The following ADAMTS2 variants were observed in gnomAD, a reference collection of about 807,000 sequenced individuals.
The protein encoded by ADAMTS2 is ADAM metallopeptidase with thrombospondin type 1 motif 2.
ADAMTS2 carries 50 observed loss-of-function variants against 123.0 expected under a neutral mutation model. The ratio of observed to expected loss-of-function variants is 0.41; its 90% CI spans 0.32 to 0.51. The LOEUF is 0.51. Among genes scored for constraint, ADAMTS2 ranks in the 20% least tolerant of loss-of-function variants. The pLI is 0.35. For synonymous variants in ADAMTS2, 678 were observed against 695.4 expected, an observed-to-expected ratio of 0.98 and a Z score of 0.39; for missense variants, 1,494 against 1,705.2, an observed-to-expected ratio of 0.88 and a Z score of 2.18.
chr5:179,313,723 C>T (rs248182), intron 2 of ADAMTS2, among the ~76,000 whole-genome samples: 24 of 27,062 alleles, frequency 8.9e-4, no homozygotes, highest in African/African-American at 2.3e-3. Flanking sequence ...CACACTCACA[C>T]CGAGACAGAG....
At chr5:179,222,471 C>A (rs1765148746) in intron 3 of ADAMTS2, among the ~76,000 whole-genome samples, 1 of 152,194 alleles carries the variant, frequency 6.6e-6, no homozygotes, top group East Asian at 1.9e-4. Context: ...GGAGGGAGGG[C>A]CACCCTGCCT....
intron 3 of ADAMTS2, among the ~76,000 whole-genome samples, chr5:179,255,118 GGATA>G (rs559076386): frequency 3.3e-5 from 5 of 152,164 alleles, no homozygotes; most frequent in South Asian, 2.1e-4. Flanking sequence ...AATGATGGAT[GGATA>G]GATGGATGGA....
chr5:179,124,969 G>C lies in ADAMTS2; in HGVS notation c.2958+4C>G. 1 of 1,550,964 alleles carries C rather than the reference G, an allele frequency of 6.4e-7. No individual in the cohort carries two copies. The highest frequency in any genetic ancestry group is 8.7e-7 in the Non-Finnish European group (1 of 1,155,472). ...TGAGGACACGGGATCGGGGGATTGC[G>C]TACCTGGGACCAGGGCCCGGCTCGC... On this transcript the variant is annotated splice_donor_region_variant and intron_variant, in intron 19 of 21. Transcript: ENST00000251582.
At chr5:179,169,594 G>C (rs1458551923) in intron 5 of ADAMTS2, among the ~76,000 whole-genome samples, 2 of 152,154 alleles carry the variant, frequency 1.3e-5, no homozygotes, top group Admixed American at 1.3e-4. Context: ...GCTGTCCCTG[G>C]GGTGAGGCAT....
chr5:179,327,465 C>G (rs1208733141), intron 2 of ADAMTS2, among the ~76,000 whole-genome samples: 1 of 152,184 alleles, frequency 6.6e-6, no homozygotes, highest in Non-Finnish European at 1.5e-5. Flanking sequence ...CCTGTGCATG[C>G]CCGGTGCACT....
intron 2 of ADAMTS2, among the ~76,000 whole-genome samples, chr5:179,294,977 T>G (rs776142868): frequency 4.6e-5 from 7 of 152,166 alleles, no homozygotes; most frequent in Non-Finnish European, 8.8e-5. Context: ...AACTACTGCC[T>G]CTAGGCGAAC....
rs930115777 is a variant in ADAMTS2 at position 179,170,434 on chromosome 5, G to A, written c.975+10638C>T. 3.3e-5 allele frequency among the ~76,000 whole-genome samples: 5 copies of A among 151,992 alleles called. No homozygotes were observed. Among genetic ancestry groups the A allele is most frequent in the African/African-American group, 9.7e-5 (4 of 41,370 alleles). ...GCTCAGCCCCCTCCTGACTGCCATCGCCTTGGTTTTGCCATGCTAAAATTC... is the reference window on the plus strand; with the variant it reads ...GCTCAGCCCCCTCCTGACTGCCATCACCTTGGTTTTGCCATGCTAAAATTC... On this transcript the variant is annotated intron_variant, in intron 5 of 21. Transcript: ENST00000251582. This position sits in a 1 kb window ranked among gnomAD's most constrained non-coding sequence, Gnocchi z 4.3.
At chr5:179,231,199 A>G (rs1440460779) in intron 3 of ADAMTS2, among the ~76,000 whole-genome samples, 1 of 152,200 alleles carries the variant, frequency 6.6e-6, no homozygotes, top group African/African-American at 2.4e-5. Context: ...AATCAAACGC[A>G]TGAAAGCAGA....
chr5:179,229,428 CCGACGGAGAGG>C (rs1765360124), intron 3 of ADAMTS2, among the ~76,000 whole-genome samples: 1 of 85,638 alleles, frequency 1.2e-5, no homozygotes, highest in African/African-American at 5.8e-5. Flanking sequence ...CTGCCCACTC[CCGACGGAGAGG>C]TAATTCCACA....
chr5:179,317,915 T>TTCCCTGGGG lies in ADAMTS2; in HGVS notation c.534+25843_534+25851dup, dbSNP rs986333169. On this transcript the variant is annotated intron_variant, in intron 2 of 21. Coordinates refer to ENST00000251582, the MANE Select transcript of ADAMTS2 (RefSeq NM_014244.5). The surrounding 1 kb of genome is among the most constrained non-coding windows in gnomAD (Gnocchi z 4.9). ...AGGTTCTGGAAACCCAGACTGAAGGTTCCCTGGGGTCCCTGGGGCTCATCC... is the reference window on the plus strand; with the variant it reads ...AGGTTCTGGAAACCCAGACTGAAGGTTCCCTGGGGTCCCTGGGGTCCCTGGGGCTCATCC... Among the ~76,000 whole-genome samples, 1 of 152,024 alleles carries TTCCCTGGGG rather than the reference T, an allele frequency of 6.6e-6. No individual in the cohort carries two copies. Among genetic ancestry groups the TTCCCTGGGG allele is most frequent in the Non-Finnish European group, 1.5e-5 (1 of 67,968 alleles).
rs1402470964 is a variant in ADAMTS2 at position 179,302,401 on chromosome 5, A to T, written c.535-29337T>A. ...TCTCAAAAAAAAAAAAAAAAAAAAAAAAAAAAGCGGGGGAGTGATAAGGCC... is the reference window on the plus strand; with the variant it reads ...TCTCAAAAAAAAAAAAAAAAAAAAATAAAAAAGCGGGGGAGTGATAAGGCC... On this transcript the variant is annotated intron_variant, in intron 2 of 21. Coordinates refer to ENST00000251582, the MANE Select transcript of ADAMTS2 (RefSeq NM_014244.5). 2.6e-4 allele frequency among the ~76,000 whole-genome samples: 39 copies of T among 150,556 alleles called. 1 individual carries two copies. The highest frequency in any genetic ancestry group is 5.9e-4 in the Admixed American group (9 of 15,178).
Position 179,275,349 on chromosome 5 carries a change from C to T in ADAMTS2, c.535-2285G>A, listed in dbSNP as rs962008697. ...TGGACAGGACGTGGTAGGGTAGAGC[C>T]GGCTGAGATGGGAGGGAGGAGGAAG... On this transcript the variant is annotated intron_variant, in intron 2 of 21. Transcript: ENST00000251582. Among the ~76,000 whole-genome samples, 20 of 151,718 alleles carry T rather than the reference C, an allele frequency of 1.3e-4. 1 individual carries two copies. The highest frequency in any genetic ancestry group is 1.2e-3 in the Admixed American group (18 of 15,226).
At chr5:179,300,032 T>G (rs1168565275) in intron 2 of ADAMTS2, among the ~76,000 whole-genome samples, 1 of 144,970 alleles carries the variant, frequency 6.9e-6, no homozygotes, top group Non-Finnish European at 1.5e-5. Context: ...AGGTGGAGCT[T>G]GCAGTGAGCC....
At chr5:179,286,910 T>A (rs1756038020) in intron 2 of ADAMTS2, among the ~76,000 whole-genome samples, 1 of 152,172 alleles carries the variant, frequency 6.6e-6, no homozygotes, top group Non-Finnish European at 1.5e-5. Context: ...TCGCTTCTTC[T>A]TAGGACACCA....
At chr5:179,305,527 A>G (rs1756643717) in intron 2 of ADAMTS2, among the ~76,000 whole-genome samples, 1 of 152,228 alleles carries the variant, frequency 6.6e-6, no homozygotes, top group African/African-American at 2.4e-5. Context: ...CACTATACAA[A>G]GATATACAAC....
rs573446751 is a variant in ADAMTS2, at chr5:179,228,117, G to A, written c.689-20402C>T. On this transcript the variant is annotated intron_variant, in intron 3 of 21. Coordinates refer to ENST00000251582, the MANE Select transcript of ADAMTS2 (RefSeq NM_014244.5). The surrounding 1 kb of genome is among the most constrained non-coding windows in gnomAD (Gnocchi z 5.2). ...TGGGGACACAAGGACAGACACCCAT[G>A]AGACACTCAGGCAGGAGTGGTCTGG... Among the ~76,000 whole-genome samples, 46 of 152,308 alleles carry A rather than the reference G, an allele frequency of 3.0e-4. No individual in the cohort carries two copies. The highest frequency in any genetic ancestry group is 1.0e-3 in the African/African-American group (43 of 41,578).
At position 179,129,831 on chromosome 5, in the gene ADAMTS2, T is replaced by TCCCA; in HGVS notation, c.2457+100_2457+101insTGGG. The TCCCA allele has an allele frequency of 6.6e-7, 1 of 1,503,866 alleles. No homozygotes were observed. The highest frequency in any genetic ancestry group is 9.1e-7 in the Non-Finnish European group (1 of 1,100,930). 93.2% of individuals were successfully genotyped at this position (1,503,866 alleles called of 1,614,324 possible). Reference sequence around the variant, plus strand: ...GGCAGGCCAAAGGGGCCACGCAGAGTGTCACCTGAAGGGTCAGGAGGCTCA... The same window carrying TCCCA: ...GGCAGGCCAAAGGGGCCACGCAGAGTCCCAGTCACCTGAAGGGTCAGGAGGCTCA... On this transcript the variant is annotated intron_variant, in intron 16 of 21. Coordinates refer to ENST00000251582, the MANE Select transcript of ADAMTS2 (RefSeq NM_014244.5). This position sits in a 1 kb window ranked among gnomAD's most constrained non-coding sequence, Gnocchi z 4.1.
rs545427213 is a variant in ADAMTS2 at position 179,291,631 on chromosome 5, G to T, written c.535-18567C>A. ...GGGAGTGTGCCCACCATTAAACGAG[G>T]TTGAATTCTGGGAGTGCAGAAGTAA... On this transcript the variant is annotated intron_variant, in intron 2 of 21. Transcript: ENST00000251582. Among the ~76,000 whole-genome samples the T allele has an allele frequency of 1.8e-3, 280 of 152,306 alleles. 1 individual carries two copies. The highest frequency in any genetic ancestry group is 3.1e-3 in the Non-Finnish European group (214 of 68,020).
chr5:179,137,922 A>G lies in ADAMTS2; in HGVS notation c.1798T>C (p.Cys600Arg). Reference protein sequence around the residue: ...NPHPANGGRTCSGLAYDFQLC... With the variant: ...NPHPANGGRTRSGLAYDFQLC... ...TGGAAGTCGTAGGCAAGGCCCGAGC[A>G]GGTGCGGCCCCCGTTGGCCGGGCTG... Residue 600 changes from cysteine (C) to arginine (R), a missense_variant, in exon 12 of 22, where the codon TGC becomes CGC. Physicochemically the swap from Cys to Arg is radical, Grantham distance 180. This residue lies in a region of ADAMTS2 where 953 missense variants were observed against 1,124.7 expected (regional missense o/e 0.85). Transcript: ENST00000251582. 1 of 1,549,944 alleles carries G rather than the reference A, an allele frequency of 6.5e-7. No homozygotes were observed. Among genetic ancestry groups the G allele is most frequent in the Non-Finnish European group, 8.7e-7 (1 of 1,148,508 alleles).
Sources: allele counts gnomAD v4.1 joint callset (sites outside exome capture counted in the v4.1 genomes callset), GRCh38; gene constraint gnomAD v4.1.1; regional missense constraint gnomAD v4.1.1; non-coding constraint Gnocchi (gnomAD v3.1); transcripts MANE v1.5; gene names NCBI Gene and HGNC (gene_info 2026-07-23, HGNC 2026-07-21).